The following CSTF3 variants were observed in gnomAD, a reference collection of about 807,000 sequenced individuals.
The protein encoded by CSTF3 is CF-1 77 kDa subunit.
Under a neutral mutation model 105.8 loss-of-function variants are expected in CSTF3, and 29 were observed. The observed-to-expected ratio is 0.27, with a 90% confidence interval of 0.20 to 0.37. CSTF3 has a LOEUF of 0.37. Ranked by LOEUF, CSTF3 falls within the 10% of genes least tolerant of loss-of-function variation. The pLI, the probability that CSTF3 is intolerant of heterozygous loss-of-function variation, is 1.00. For synonymous variants in CSTF3, 252 were observed against 281.9 expected, an observed-to-expected ratio of 0.89 and a Z score of 1.06; for missense variants, 357 against 879.3, an observed-to-expected ratio of 0.41 and a Z score of 7.51.
chr11:33,105,754 A>G (rs1276292190), intron 7 of CSTF3, 61 bp from the exon 8 acceptor site: 2 of 1,567,422 alleles, frequency 1.3e-6, no homozygotes, highest in South Asian at 2.2e-5. Flanking sequence ...CAACCCAGCA[A>G]TCTCACTACT....
intron 3 of CSTF3, 110 bp from the exon 4 acceptor site, chr11:33,108,528 T>C: frequency 2.6e-6 from 2 of 773,356 alleles, no homozygotes; most frequent in Non-Finnish European, 3.6e-6. Context: ...TAGTTTCTTA[T>C]TAATTTTTCT....
Position 33,099,033 on chromosome 11 carries a change from C to A in CSTF3, c.1053+1G>T. The A allele has an allele frequency of 1.3e-6, 2 of 1,563,484 alleles. No homozygotes were observed. Among genetic ancestry groups the A allele is most frequent in the Admixed American group, 2.4e-5 (1 of 42,388 alleles). On this transcript the variant is annotated splice_donor_variant, in intron 12 of 20. Coordinates refer to ENST00000323959, the MANE Select transcript of CSTF3 (RefSeq NM_001326.3). LOFTEE classifies it high-confidence loss of function. This position sits in a 1 kb window ranked among gnomAD's most constrained non-coding sequence, Gnocchi z 4.1. ...AGAAGGCTCTAAACATTTTTACTTACCTCTTCATAATCTGCATATGCAAAA... is the reference window on the plus strand; with the variant it reads ...AGAAGGCTCTAAACATTTTTACTTAACTCTTCATAATCTGCATATGCAAAA...
intron 1 of CSTF3, among the ~76,000 whole-genome samples, chr11:33,150,924 T>C (rs1855852115): frequency 6.6e-6 from 1 of 152,210 alleles, no homozygotes; most frequent in Non-Finnish European, 1.5e-5. Context: ...ATTTCTTTTT[T>C]AGTACTGGCT....
At chr11:33,154,015 A>G (rs1849823453) in intron 1 of CSTF3, among the ~76,000 whole-genome samples, 1 of 152,196 alleles carries the variant, frequency 6.6e-6, no homozygotes, top group Admixed American at 6.6e-5. Flanking sequence ...GTGGGCAGGA[A>G]AAATCAGTAA....
At chr11:33,136,562 T>C (rs954416422) in intron 3 of CSTF3, among the ~76,000 whole-genome samples, 10 of 152,110 alleles carry the variant, frequency 6.6e-5, no homozygotes, top group African/African-American at 2.4e-4. Flanking sequence ...TTAGAAAATA[T>C]TTAAGCTTTT....
chr11:33,124,768 T>C (rs1855527018), intron 3 of CSTF3, among the ~76,000 whole-genome samples: 1 of 152,170 alleles, frequency 6.6e-6, no homozygotes, highest in Non-Finnish European at 1.5e-5. Context: ...TCCACAATGG[T>C]ATTTTATTAA....
chr11:33,097,003 T>C, intron 13 of CSTF3, 25 bp from the exon 14 acceptor site: 1 of 1,555,540 alleles, frequency 6.4e-7, no homozygotes, highest in Non-Finnish European at 8.8e-7. Flanking sequence ...GTATTTGTGT[T>C]CTATAAATTA....
At chr11:33,139,172 T>C (rs1320868616) in intron 3 of CSTF3, among the ~76,000 whole-genome samples, 1 of 151,924 alleles carries the variant, frequency 6.6e-6, no homozygotes, top group Non-Finnish European at 1.5e-5. Context: ...TGACATTTTG[T>C]ACTTAAATAG....
chr11:33,149,569 T>C, intron 1 of CSTF3, among the ~76,000 whole-genome samples: 1 of 152,208 alleles, frequency 6.6e-6, no homozygotes, highest in Non-Finnish European at 1.5e-5. Context: ...TGAAGTTGTA[T>C]TATTACCTGA....
At chr11:33,098,437 C>T (rs906844345) in intron 13 of CSTF3, among the ~76,000 whole-genome samples, 1 of 152,038 alleles carries the variant, frequency 6.6e-6, no homozygotes, top group Admixed American at 6.6e-5. Context: ...TAGCAGAAAA[C>T]AGATCAGTAA....
chr11:33,105,854 A>G, intron 7 of CSTF3, 29 bp downstream of exon 7: 1 of 1,544,684 alleles, frequency 6.5e-7, no homozygotes, highest in Non-Finnish European at 8.8e-7. Flanking sequence ...TCAACTGTAG[A>G]TGTAAAAAAA....
intron 1 of CSTF3, among the ~76,000 whole-genome samples, chr11:33,142,762 T>A (rs1855729364): frequency 6.6e-6 from 1 of 152,186 alleles, no homozygotes; most frequent in South Asian, 2.1e-4. Flanking sequence ...AACTTAAAAT[T>A]CAGTAATAAG....
chr11:33,147,393 G>A (rs997790469), intron 1 of CSTF3, among the ~76,000 whole-genome samples: 13 of 149,832 alleles, frequency 8.7e-5, no homozygotes, highest in African/African-American at 1.5e-4. Context: ...TCAGGAGTTC[G>A]AGACCAGCCT....
chr11:33,155,884 CATGAATTGGTATGGGTAATT>C (rs1312817509), intron 1 of CSTF3, among the ~76,000 whole-genome samples: 24 of 152,048 alleles, frequency 1.6e-4, no homozygotes, highest in African/African-American at 5.8e-4. Context: ...AGCTTAAAAT[CATGAATTGGTATGGGTAATT>C]GTCCAATAGG....
At chr11:33,158,829 G>A (rs1849899322) in intron 1 of CSTF3, among the ~76,000 whole-genome samples, 1 of 152,096 alleles carries the variant, frequency 6.6e-6, no homozygotes, top group African/African-American at 2.4e-5. Context: ...CCAAAAGCAA[G>A]CAAGCAAACA....
At chr11:33,085,447 T>G (rs1855095364) in intron 20 of CSTF3, among the ~76,000 whole-genome samples, 158 bp from the exon 21 acceptor site, 1 of 152,244 alleles carries the variant, frequency 6.6e-6, no homozygotes, top group Non-Finnish European at 1.5e-5. Context: ...AAAGCTGCTG[T>G]TAAAACTAAT....
chr11:33,101,004 CTAAA>C (rs1855275717), intron 10 of CSTF3, among the ~76,000 whole-genome samples: 1 of 152,168 alleles, frequency 6.6e-6, no homozygotes, highest in Non-Finnish European at 1.5e-5. Flanking sequence ...AAGCAACTAT[CTAAA>C]TGTACTGGAA....
chr11:33,156,822 A>T (rs567104990), intron 1 of CSTF3: 5 of 373,710 alleles, frequency 1.3e-5, no homozygotes, highest in Admixed American at 7.2e-5. Flanking sequence ...TAAATAAATA[A>T]TTTTTTTTAA....
At chr11:33,104,032 GC>G (rs1855304617) in intron 8 of CSTF3, among the ~76,000 whole-genome samples, 1 of 152,062 alleles carries the variant, frequency 6.6e-6, no homozygotes, top group South Asian at 2.1e-4. Flanking sequence ...TTGCTATGTT[GC>G]CTGGGCTGGC....
Sources: gnomAD v4.1 joint callset for allele counts (sites outside exome capture counted in the v4.1 genomes callset) on GRCh38, gnomAD v4.1.1 for gene constraint, Gnocchi (gnomAD v3.1) non-coding constraint, MANE v1.5 for transcripts, NCBI Gene and HGNC (gene_info 2026-07-23, HGNC 2026-07-21) for gene names.